Variants in JMJD1C observed in about 807,000 individuals in gnomAD.
The protein encoded by JMJD1C is jumonji domain containing 1C, also known as jumonji domain-containing protein 1C.
Under a neutral mutation model 245.3 loss-of-function variants are expected in JMJD1C, and 31 were observed. The observed-to-expected ratio is 0.13, with a 90% CI of 0.09 to 0.17. The LOEUF (loss-of-function observed/expected upper bound fraction) is 0.17, where lower values mean the gene tolerates loss of function less well. Among genes scored for constraint, JMJD1C ranks in the 10% least tolerant of loss-of-function variants. The pLI is 1.00. For synonymous variants in JMJD1C, 1,057 were observed against 1,017.4 expected (o/e 1.04, Z -0.74); for missense variants, 2,691 against 3,000.2 (o/e 0.90, Z 2.41).
chr10:63,181,136 G>C (rs1445008270), intron 22 of JMJD1C, among the ~76,000 whole-genome samples: 2 of 152,164 alleles, frequency 1.3e-5, no homozygotes, highest in Non-Finnish European at 2.9e-5. Context: ...AAAGTGTTGG[G>C]ATTACAGGCA....
chr10:63,272,406 C>T (rs1856416198), intron 2 of JMJD1C, among the ~76,000 whole-genome samples: 1 of 152,112 alleles, frequency 6.6e-6, no homozygotes, highest in Non-Finnish European at 1.5e-5. Context: ...TGCACGCCAC[C>T]ACGCCCAGCT....
At chr10:63,223,229 G>T (rs1589200392) in intron 3 of JMJD1C, among the ~76,000 whole-genome samples, 2 of 128,384 alleles carry the variant, frequency 1.6e-5, no homozygotes, top group Non-Finnish European at 1.6e-5. Flanking sequence ...TTTCTGTGCT[G>T]TTTTTTTTTT....
chr10:63,204,443 A>G, intron 10 of JMJD1C: 1 of 985,320 alleles, frequency 1.0e-6, no homozygotes, highest in Non-Finnish European at 1.2e-6. Flanking sequence ...TCATAAATTT[A>G]ACTTCACAAG....
intron 3 of JMJD1C, among the ~76,000 whole-genome samples, chr10:63,245,840 C>G (rs540246644): frequency 1.3e-5 from 2 of 152,278 alleles, no homozygotes; most frequent in Admixed American, 1.3e-4. Context: ...ATCACAAGAA[C>G]AGACACACTC....
intron 1 of JMJD1C, among the ~76,000 whole-genome samples, chr10:63,398,833 CAG>C (rs1564878461): frequency 6.6e-6 from 1 of 152,054 alleles, no homozygotes; most frequent in Non-Finnish European, 1.5e-5. Context: ...TTAGTAGAGA[CAG>C]GGTTTCACCA....
At chr10:63,518,490 T>C (rs1306979170) in intron 1 of JMJD1C, among the ~76,000 whole-genome samples, 6 of 152,214 alleles carry the variant, frequency 3.9e-5, no homozygotes, top group Admixed American at 2.6e-4. Context: ...TAGCTGAATA[T>C]ATCTATGAAT....
intron 10 of JMJD1C, chr10:63,202,835 T>C (rs1360602145): frequency 2.0e-6 from 2 of 981,428 alleles, no homozygotes; most frequent in African/African-American, 1.7e-5. Context: ...AGAATTGTTA[T>C]ACTGCTGATA....
At chr10:63,409,226 A>C (rs2132649184) in intron 1 of JMJD1C, among the ~76,000 whole-genome samples, 1 of 152,346 alleles carries the variant, frequency 6.6e-6, no homozygotes, top group African/African-American at 2.4e-5. Flanking sequence ...ATCTTACTAC[A>C]TACATAAAAC....
At chr10:63,419,697 C>T (rs1489463657) in intron 1 of JMJD1C, among the ~76,000 whole-genome samples, 1 of 151,996 alleles carries the variant, frequency 6.6e-6, no homozygotes, top group Admixed American at 6.6e-5. Flanking sequence ...TAAGTCAGTT[C>T]CTTTATGGTC....
At chr10:63,507,291 T>A (rs146627335) in intron 1 of JMJD1C, among the ~76,000 whole-genome samples, 1 of 152,286 alleles carries the variant, frequency 6.6e-6, no homozygotes, top group African/African-American at 2.4e-5. Flanking sequence ...GCATGATTGC[T>A]GGGTTAAATG....
At chr10:63,178,694 C>G (rs909979308) in intron 22 of JMJD1C, among the ~76,000 whole-genome samples, 3 of 152,210 alleles carry the variant, frequency 2.0e-5, no homozygotes, top group African/African-American at 7.2e-5. Flanking sequence ...AAATGTTTCA[C>G]GAACAAAGTT....
At chr10:63,248,782 T>G (rs1852639098) in intron 3 of JMJD1C, among the ~76,000 whole-genome samples, 1 of 152,194 alleles carries the variant, frequency 6.6e-6, no homozygotes, top group African/African-American at 2.4e-5. Context: ...ATTTCTATGT[T>G]TACTGCAGCA....
chr10:63,387,469 A>C (rs1337044095), intron 1 of JMJD1C, among the ~76,000 whole-genome samples: 1 of 152,026 alleles, frequency 6.6e-6, no homozygotes, highest in Non-Finnish European at 1.5e-5. Flanking sequence ...CCAAAGAGAC[A>C]GCATAAAAAA....
chr10:63,250,416 A>G (rs1433584544), intron 3 of JMJD1C, among the ~76,000 whole-genome samples: 1 of 152,220 alleles, frequency 6.6e-6, no homozygotes, highest in Admixed American at 6.5e-5. Flanking sequence ...TAATAAAAAC[A>G]AATCAGCAGT....
intron 1 of JMJD1C, among the ~76,000 whole-genome samples, chr10:63,431,918 A>G (rs1950778851): frequency 6.6e-6 from 1 of 152,228 alleles, no homozygotes; most frequent in African/African-American, 2.4e-5. Flanking sequence ...AGGCTGAGGC[A>G]GGACAATCGC....
chr10:63,444,089 C>A (rs552243738), intron 1 of JMJD1C, among the ~76,000 whole-genome samples: 2 of 152,154 alleles, frequency 1.3e-5, no homozygotes, highest in Non-Finnish European at 2.9e-5. Flanking sequence ...GATATTTATA[C>A]ATTCAAAACA....
At chr10:63,304,077 C>G (rs920385623) in intron 2 of JMJD1C, among the ~76,000 whole-genome samples, 79 of 58,526 alleles carry the variant, frequency 1.3e-3, no homozygotes, top group African/African-American at 4.1e-3. Context: ...TGAGCAAGGA[C>G]TTTGCCTTAC....
intron 2 of JMJD1C, among the ~76,000 whole-genome samples, chr10:63,369,110 T>C (rs1946090599): frequency 6.6e-6 from 1 of 152,038 alleles, no homozygotes. Context: ...CTTTTCTTCT[T>C]TCCTTCCTTC....
intron 13 of JMJD1C, among the ~76,000 whole-genome samples, chr10:63,196,261 AAAAAAGAAAAAG>A (rs1005202310): frequency 2.0e-5 from 3 of 152,170 alleles, no homozygotes; most frequent in African/African-American, 4.8e-5. Flanking sequence ...ACATCCAAAA[AAAAAAGAAAAAG>A]AAAAAGAGAA....
Sources: allele counts gnomAD v4.1 joint callset (sites outside exome capture counted in the v4.1 genomes callset), GRCh38; gene constraint gnomAD v4.1.1; transcripts MANE v1.5; gene names NCBI Gene and HGNC (gene_info 2026-07-23, HGNC 2026-07-21).